The following RIMBP2 variants were observed in gnomAD, a reference collection of about 807,000 sequenced individuals.
The protein encoded by RIMBP2 is RIMS binding protein 2.
Under a neutral mutation model 118.6 loss-of-function variants are expected in RIMBP2, and 48 were observed. The ratio of observed to expected loss-of-function variants is 0.40; its 90% CI spans 0.32 to 0.51. The LOEUF (loss-of-function observed/expected upper bound fraction) is 0.51. Ranked by LOEUF, RIMBP2 falls within the 20% of genes least tolerant of loss-of-function variation. The pLI is 0.41. For synonymous variants in RIMBP2, 762 were observed against 742.9 expected, an observed-to-expected ratio of 1.03 and a Z score of -0.42; for missense variants, 1,551 against 1,768.3, an observed-to-expected ratio of 0.88 and a Z score of 2.20.
In RIMBP2 at chr12:130,442,430, C is replaced by T. The variant is rs1232633444; in HGVS notation, c.922G>A (p.Asp308Asn). The T allele has an allele frequency of 5.0e-6, 8 of 1,614,110 alleles. No individual in the cohort carries two copies. The highest frequency in any genetic ancestry group is 1.6e-4 in the Middle Eastern group (1 of 6,062). Residue 308 changes from aspartate to asparagine, a missense_variant, in exon 11 of 23, where the codon GAC becomes AAC. Asp to Asn is a conservative substitution (Grantham distance 23). Transcript: ENST00000690449. This position sits in a 1 kb window ranked among gnomAD's most constrained non-coding sequence, Gnocchi z 6.9. ...SAGTLDVNID[D>N]IGEDIVPYPR... The stretch of plus-strand genomic sequence containing the variant: ...TAAGGCACGATGTCTTCTCCGATGT[C>T]GTCGATGTTCACGTCCAGGGTCCCG...
chr12:130,517,082 G>A (rs1296987142), intron 3 of RIMBP2, among the ~76,000 whole-genome samples: 1 of 152,144 alleles, frequency 6.6e-6, no homozygotes, highest in Non-Finnish European at 1.5e-5. Flanking sequence ...GAGAGGTGGG[G>A]CCTTTAAGAG....
chr12:130,444,275 C>A (rs1001103693), intron 10 of RIMBP2, among the ~76,000 whole-genome samples: 1 of 152,076 alleles, frequency 6.6e-6, no homozygotes, highest in South Asian at 2.1e-4. Context: ...GAGTGGTGAG[C>A]GAGTGGTGAG....
rs555331618 is a variant in RIMBP2, at chr12:130,631,249, C to T, written c.-351-2793G>A. 7.9e-5 allele frequency among the ~76,000 whole-genome samples: 12 copies of T among 152,204 alleles called. No individual in the cohort carries two copies. In the East Asian group the frequency reaches 1.7e-3, roughly 22 times the overall value. ...CCAGGAAAACTAAAAAGCCATACAA[C>T]GAAAGGGATGTAACCACAGTCACTA... On this transcript the variant is annotated intron_variant, in intron 1 of 22. Transcript: ENST00000690449.
Position 130,418,472 on chromosome 12 carries a change from C to T in RIMBP2, c.3238+3981G>A, listed in dbSNP as rs564559630. Reference sequence around the variant, plus strand: ...AACAGCTGTGGCTGCATGAGAAGGACGCCTGCTTTCCATTCTGCTGGAGAT... The same window carrying T: ...AACAGCTGTGGCTGCATGAGAAGGATGCCTGCTTTCCATTCTGCTGGAGAT... On this transcript the variant is annotated intron_variant, in intron 17 of 22. Transcript: ENST00000690449. 1.7e-4 allele frequency among the ~76,000 whole-genome samples: 26 copies of T among 152,310 alleles called. No homozygotes were observed. The East Asian group carries it at 4.1e-3, about 24-fold the overall frequency.
intron 1 of RIMBP2, among the ~76,000 whole-genome samples, chr12:130,666,574 G>A (rs1362151158): frequency 6.6e-6 from 1 of 152,052 alleles, no homozygotes; most frequent in African/African-American, 2.4e-5. Flanking sequence ...CTACAAAGGA[G>A]AGGTGGTAAC....
At chr12:130,571,154 G>A (rs528560280) in intron 2 of RIMBP2, among the ~76,000 whole-genome samples, 1 of 149,056 alleles carries the variant, frequency 6.7e-6, no homozygotes, top group African/African-American at 2.5e-5. Flanking sequence ...GAGAGATATA[G>A]GCTTTACTGG....
chr12:130,502,137 G>A (rs1259919332), intron 4 of RIMBP2, among the ~76,000 whole-genome samples: 2 of 152,120 alleles, frequency 1.3e-5, no homozygotes, highest in East Asian at 1.9e-4. Context: ...AGTCACCCCA[G>A]CCCAACCAAC....
In RIMBP2 at chr12:130,704,443, C is replaced by T. The variant is rs138469994; in HGVS notation, c.-352+11779G>A. 5.2e-3 allele frequency among the ~76,000 whole-genome samples: 795 copies of T among 152,054 alleles called. 7 individuals carry two copies. The highest frequency in any genetic ancestry group is 0.018 in the African/African-American group (755 of 41,460). ...TACAAAAATTAGCCAGGCATGGTGG[C>T]GGGCACCTGTAATCCCAGCTACTTT... On this transcript the variant is annotated intron_variant, in intron 1 of 22. Coordinates refer to ENST00000690449, the MANE Select transcript of RIMBP2 (RefSeq NM_001393629.1).
intron 2 of RIMBP2, among the ~76,000 whole-genome samples, chr12:130,606,478 G>A (rs893218397): frequency 1.3e-5 from 2 of 152,240 alleles, no homozygotes; most frequent in African/African-American, 4.8e-5. Context: ...TTAGGTGGCT[G>A]TCACCGCATC....
intron 1 of RIMBP2, among the ~76,000 whole-genome samples, chr12:130,649,579 G>A (rs572824172): frequency 1.6e-4 from 25 of 152,292 alleles, no homozygotes; most frequent in African/African-American, 5.1e-4. Context: ...CGGGGTGAAC[G>A]GCTAGCAGAC....
chr12:130,621,727 C>T lies in RIMBP2; in HGVS notation c.-217+6595G>A, dbSNP rs896746932. On this transcript the variant is annotated intron_variant, in intron 2 of 22. Transcript: ENST00000690449. The surrounding 1 kb of genome is among the most constrained non-coding windows in gnomAD (Gnocchi z 6.6). ...GAGACACGAGTGAAATGGATGATAC[C>T]GAGACCTGGGTACCATAGCTGGAAG... Among the ~76,000 whole-genome samples, 15 of 152,128 alleles carry T rather than the reference C, an allele frequency of 9.9e-5. No individual in the cohort carries two copies. The highest frequency in any genetic ancestry group is 5.8e-4 in the East Asian group (3 of 5,184).
chr12:130,647,257 G>C (rs2063028489), intron 1 of RIMBP2, among the ~76,000 whole-genome samples: 1 of 152,136 alleles, frequency 6.6e-6, no homozygotes. Context: ...TAGCTACTCG[G>C]GACGCTGAGG....
chr12:130,645,834 T>G (rs1316250640), intron 1 of RIMBP2, among the ~76,000 whole-genome samples: 1 of 152,176 alleles, frequency 6.6e-6, no homozygotes, highest in Non-Finnish European at 1.5e-5. Context: ...ATAGAAAGAT[T>G]TCTTACCAAC....
chr12:130,682,896 C>T (rs780064075), intron 1 of RIMBP2, among the ~76,000 whole-genome samples: 36 of 152,322 alleles, frequency 2.4e-4, no homozygotes, highest in South Asian at 1.0e-3. Context: ...CTTTCAGATA[C>T]GAGTACCCCG....
chr12:130,522,119 A>G (rs758096570), intron 2 of RIMBP2, among the ~76,000 whole-genome samples: 28 of 152,390 alleles, frequency 1.8e-4, no homozygotes, highest in Non-Finnish European at 3.4e-4. Context: ...CTCCCAGGGC[A>G]GCTACAGAAC....
chr12:130,715,878 G>C (rs1270091947), intron 1 of RIMBP2, among the ~76,000 whole-genome samples: 1 of 152,084 alleles, frequency 6.6e-6, no homozygotes, highest in Admixed American at 6.5e-5. Flanking sequence ...ACTTTGCCTG[G>C]AGGGGCCTTT....
At chr12:130,615,102 AT>A (rs1239139774) in intron 2 of RIMBP2, among the ~76,000 whole-genome samples, 1 of 147,476 alleles carries the variant, frequency 6.8e-6, no homozygotes, top group Admixed American at 6.8e-5. Context: ...ATATATGTGT[AT>A]TATGTATATA....
At chr12:130,499,487 A>C (rs2049523844) in intron 4 of RIMBP2, among the ~76,000 whole-genome samples, 2 of 152,234 alleles carry the variant, frequency 1.3e-5, no homozygotes, top group African/African-American at 4.8e-5. Context: ...AAAGAGCCAA[A>C]GTCCTTATCT....
rs2065161228 is a variant in RIMBP2, at chr12:130,688,440, A to G, written c.-352+27782T>C. Among the ~76,000 whole-genome samples the G allele has an allele frequency of 2.0e-5, 3 of 152,188 alleles. No homozygotes were observed. Among genetic ancestry groups the G allele is most frequent in the African/African-American group, 7.2e-5 (3 of 41,426 alleles). ...GTTTGCTTAGGTATCAGATCTAATG[A>G]AAGAGAAAGAGAAGTAATTGACATT... On this transcript the variant is annotated intron_variant, in intron 1 of 22. Transcript: ENST00000690449. The surrounding 1 kb of genome is among the most constrained non-coding windows in gnomAD (Gnocchi z 4.7).
Sources: gnomAD v4.1 joint callset for allele counts (sites outside exome capture counted in the v4.1 genomes callset) on GRCh38, gnomAD v4.1.1 for gene constraint, Gnocchi (gnomAD v3.1) non-coding constraint, MANE v1.5 for transcripts, NCBI Gene and HGNC (gene_info 2026-07-23, HGNC 2026-07-21) for gene names.